NRG3: variants seen among roughly 807,000 people sequenced by gnomAD.
NRG3 encodes neuregulin 3, also known as pro-neuregulin-3, membrane-bound isoform.
NRG3 carries 31 observed loss-of-function variants against 66.9 expected under a neutral mutation model. The ratio of observed to expected loss-of-function variants is 0.46; its 90% CI spans 0.35 to 0.63. The LOEUF is 0.63. Among genes scored for constraint, NRG3 ranks in the 20% least tolerant of loss-of-function variants. NRG3 has a pLI of 0.00. For missense variants in NRG3, 910 were observed against 878.9 expected, an observed-to-expected ratio of 1.04 and a Z score of -0.45; for synonymous variants, 393 against 359.4, an observed-to-expected ratio of 1.09 and a Z score of -1.06.
chr10:82,313,004 C>A (rs532136949), intron 1 of NRG3, among the ~76,000 whole-genome samples: 1 of 152,012 alleles, frequency 6.6e-6, no homozygotes, highest in African/African-American at 2.4e-5. Flanking sequence ...TGGTGAAACC[C>A]CTTCTCTACC....
chr10:82,390,848 G>A (rs1336052284), intron 2 of NRG3, among the ~76,000 whole-genome samples: 1 of 152,226 alleles, frequency 6.6e-6, no homozygotes, highest in Non-Finnish European at 1.5e-5. Context: ...AGAGCATGGT[G>A]AAGTGAGCCT....
At chr10:82,717,802 C>T (rs930360992) in intron 2 of NRG3, among the ~76,000 whole-genome samples, 11 of 151,960 alleles carry the variant, frequency 7.2e-5, no homozygotes, top group African/African-American at 2.7e-4. Flanking sequence ...TACTGTAACA[C>T]TCCCAGTGGC....
intron 2 of NRG3, among the ~76,000 whole-genome samples, chr10:82,646,424 G>A (rs1482931737): frequency 6.6e-6 from 1 of 152,136 alleles, no homozygotes; most frequent in Non-Finnish European, 1.5e-5. Flanking sequence ...TAGGACTCAT[G>A]TAAAGTACAA....
chr10:82,914,808 A>G (rs1845680252), intron 4 of NRG3, among the ~76,000 whole-genome samples: 1 of 151,734 alleles, frequency 6.6e-6, no homozygotes, highest in African/African-American at 2.4e-5. Context: ...GAGGTTTCAA[A>G]TTAGGTATTT....
chr10:81,879,695 TTTTAA>T (rs1842007270), intron 1 of NRG3, among the ~76,000 whole-genome samples: 1 of 152,214 alleles, frequency 6.6e-6, no homozygotes, highest in Non-Finnish European at 1.5e-5. Context: ...ATGGAGGCAA[TTTTAA>T]TTTAATCATG....
intron 2 of NRG3, among the ~76,000 whole-genome samples, chr10:82,408,085 C>CAGAAAGAAAGAAAGAAGGAA (rs2087717041): frequency 9.4e-5 from 7 of 74,854 alleles, no homozygotes; most frequent in African/African-American, 4.3e-4. Flanking sequence ...GAGAGAGAGA[C>CAGAAAGAAAGAAAGAAGGAA]AGAAAGAAAG....
At chr10:82,849,178 G>A (rs2063448353) in intron 3 of NRG3, among the ~76,000 whole-genome samples, 1 of 152,122 alleles carries the variant, frequency 6.6e-6, no homozygotes, top group East Asian at 1.9e-4. Flanking sequence ...CACATAGGGA[G>A]AACACCATGT....
intron 3 of NRG3, among the ~76,000 whole-genome samples, chr10:82,832,959 A>C (rs139236299): frequency 2.3e-4 from 35 of 152,232 alleles, no homozygotes; most frequent in African/African-American, 6.3e-4. Flanking sequence ...GCTCAGTACC[A>C]AACCCAGGTA....
chr10:82,822,421 A>C (rs1354438946), intron 3 of NRG3, among the ~76,000 whole-genome samples: 2 of 152,128 alleles, frequency 1.3e-5, no homozygotes, highest in Non-Finnish European at 2.9e-5. Context: ...GTCTACGTCC[A>C]AGAACTGCCA....
At chr10:82,982,213 G>A (rs566630290) in intron 8 of NRG3, among the ~76,000 whole-genome samples, 1 of 152,290 alleles carries the variant, frequency 6.6e-6, no homozygotes, top group African/African-American at 2.4e-5. Context: ...ATGTGCCCTA[G>A]GAACTGAGAT....
intron 2 of NRG3, among the ~76,000 whole-genome samples, chr10:82,671,335 G>A (rs146441085): frequency 9.1e-4 from 139 of 152,270 alleles, no homozygotes; most frequent in African/African-American, 2.7e-3. Context: ...TAATGTGATC[G>A]AAAAGCCCAG....
chr10:82,141,101 C>G (rs1053496875), intron 1 of NRG3, among the ~76,000 whole-genome samples: 1 of 151,960 alleles, frequency 6.6e-6, no homozygotes, highest in African/African-American at 2.4e-5. Context: ...GGAGAGAAAA[C>G]AATCTTCCCG....
intron 2 of NRG3, among the ~76,000 whole-genome samples, chr10:82,604,555 T>C (rs2790704): frequency 0.084 from 12,744 of 152,124 alleles, 616 homozygotes; most frequent in East Asian, 0.15. Context: ...TACCAACGAG[T>C]GCAATGTTTG....
intron 2 of NRG3, among the ~76,000 whole-genome samples, chr10:82,367,786 G>A (rs2084638724): frequency 6.6e-6 from 1 of 152,018 alleles, no homozygotes; most frequent in South Asian, 2.1e-4. Context: ...ATGACCTTGG[G>A]AGTTCAAGAC....
In NRG3 at chr10:82,924,086, C is replaced by CAAA. The variant is rs3075657; in HGVS notation, c.1055-27362_1055-27360dup. On this transcript the variant is annotated intron_variant, in intron 4 of 8. Coordinates refer to ENST00000372141, the MANE Select transcript of NRG3 (RefSeq NM_001010848.4). ...CCTGGGCAACATAGCGAGACTGTCT[C>CAAA]AAAAAAAAAAAAAAAAAAAAAAAGG... Among the ~76,000 whole-genome samples, 265 of 69,262 alleles carry CAAA rather than the reference C, an allele frequency of 3.8e-3. 5 individuals carry two copies. Among genetic ancestry groups the CAAA allele is most frequent in the African/African-American group, 0.014 (254 of 18,720 alleles). 45.4% of individuals were successfully genotyped at this position (69,262 alleles called of 152,430 possible). A position where few individuals can be genotyped will look rare whatever the true frequency, so the allele number is the denominator to read the frequency against.
At chr10:82,735,368 AG>A in intron 2 of NRG3, among the ~76,000 whole-genome samples, 1 of 152,338 alleles carries the variant, frequency 6.6e-6, no homozygotes, top group Middle Eastern at 3.4e-3. Context: ...AGAAATACAA[AG>A]AACAGTGACT....
At chr10:82,968,435 G>C (rs1851405504) in intron 6 of NRG3, among the ~76,000 whole-genome samples, 1 of 152,082 alleles carries the variant, frequency 6.6e-6, no homozygotes, top group Admixed American at 6.6e-5. Context: ...AAAAACAACT[G>C]TTTAATATCG....
chr10:82,422,394 G>A (rs140039515), intron 2 of NRG3, among the ~76,000 whole-genome samples: 1 of 152,142 alleles, frequency 6.6e-6, no homozygotes, highest in East Asian at 1.9e-4. Context: ...GGAATCTAAT[G>A]TGCAATGATT....
At chr10:82,908,744 C>A (rs985576681) in intron 4 of NRG3, among the ~76,000 whole-genome samples, 1 of 152,208 alleles carries the variant, frequency 6.6e-6, no homozygotes, top group African/African-American at 2.4e-5. Flanking sequence ...TGGCTCCTGT[C>A]AGGCAAAGGA....
Sources: gnomAD v4.1 joint callset for allele counts (sites outside exome capture counted in the v4.1 genomes callset) on GRCh38, gnomAD v4.1.1 for gene constraint, MANE v1.5 for transcripts, NCBI Gene and HGNC (gene_info 2026-07-23, HGNC 2026-07-21) for gene names.